GARS1: variants seen among roughly 807,000 people sequenced by gnomAD.
GARS1 encodes the protein glycine--tRNA ligase.
Under a neutral mutation model 86.4 loss-of-function variants are expected in GARS1, and 46 were observed. The observed-to-expected ratio is 0.53, with a 90% CI of 0.42 to 0.68. The LOEUF is 0.68. Among genes scored for constraint, GARS1 ranks in the 30% least tolerant of loss-of-function variants. The probability of loss-of-function intolerance (pLI) is 0.00; values close to 1 mark genes in which losing one functional copy is unlikely to be tolerated. For missense variants in GARS1, 797 were observed against 915.6 expected (o/e 0.87, Z 1.67); for synonymous variants, 342 against 329.8 (o/e 1.04, Z -0.40).
intron 6 of GARS1, among the ~76,000 whole-genome samples, chr7:30,605,970 A>G (rs1341550108): frequency 6.6e-6 from 1 of 152,130 alleles, no homozygotes; most frequent in African/African-American, 2.4e-5. Context: ...TCCAATCTGT[A>G]TGGCCTTCCT....
At position 30,632,037 on chromosome 7, in the gene GARS1, G is replaced by T. The variant is rs961323141; in HGVS notation, c.1904-210G>T. On this transcript the variant is annotated intron_variant, in intron 15 of 16. Coordinates refer to ENST00000389266, the MANE Select transcript of GARS1 (RefSeq NM_002047.4). The surrounding 1 kb of genome is among the most constrained non-coding windows in gnomAD (Gnocchi z 4.1). ...TGGTCCCATATTTGTTCCCCCTATA[G>T]CTGTATCAGATGGAGGTATGAGTGA... The T allele has an allele frequency of 5.5e-5, 32 of 582,690 alleles. No individual in the cohort carries two copies. The African/African-American group carries it at 5.6e-4, about 10-fold the overall frequency. 36.1% of individuals were successfully genotyped at this position (582,690 alleles called of 1,614,324 possible).
At chr7:30,595,582 G>T (rs1791229798) in intron 1 of GARS1, among the ~76,000 whole-genome samples, 1 of 152,218 alleles carries the variant, frequency 6.6e-6, no homozygotes, top group South Asian at 2.1e-4. Context: ...AATTCTTTCA[G>T]TGGTCAATGA....
rs374583193 is a variant in GARS1 at position 30,622,279 on chromosome 7, G to A, written c.1468-38G>A. 8 of 1,612,770 alleles carry A rather than the reference G, an allele frequency of 5.0e-6. No homozygotes were observed. In the African/African-American group the frequency reaches 1.1e-4, roughly 22 times the overall value. On this transcript the variant is annotated intron_variant, in intron 11 of 16. Transcript: ENST00000389266. ...CAGGCTCATTTTCTGAAATACTGAG[G>A]CAGTGCTGTAGTTTTGGATTCCTTG...
intron 9 of GARS1, among the ~76,000 whole-genome samples, 189 bp from the exon 10 acceptor site, chr7:30,616,925 C>T (rs1412414190): frequency 6.6e-6 from 1 of 152,062 alleles, no homozygotes. Flanking sequence ...TTGACATTAA[C>T]CCATTAAAAA....
At chr7:30,611,879 A>G (rs1782765626) in intron 7 of GARS1, among the ~76,000 whole-genome samples, 2 of 152,204 alleles carry the variant, frequency 1.3e-5, no homozygotes, top group Non-Finnish European at 2.9e-5. Flanking sequence ...TTGCCAAAGT[A>G]GTACTGCCAC....
chr7:30,628,399 G>T, intron 13 of GARS1, 161 bp from the exon 14 acceptor site: 1 of 544,418 alleles, frequency 1.8e-6, no homozygotes, highest in South Asian at 1.6e-5. Flanking sequence ...TGGTCAGGCT[G>T]GTCTCGAACT....
At chr7:30,631,918 T>G in intron 15 of GARS1, 1 of 399,034 alleles carries the variant, frequency 2.5e-6, no homozygotes, top group South Asian at 2.3e-5. Context: ...ATCCACTTAT[T>G]TCAGAGCTGG....
chr7:30,596,004 A>G (rs543472101), intron 1 of GARS1: 2 of 414,342 alleles, frequency 4.8e-6, no homozygotes, highest in African/African-American at 4.2e-5. Context: ...GGGCACTGCC[A>G]TAGAGTTTAG....
intron 2 of GARS1, 97 bp from the exon 3 acceptor site, chr7:30,599,850 T>G (rs1562771319): frequency 3.8e-6 from 3 of 785,612 alleles, no homozygotes; most frequent in Non-Finnish European, 6.3e-6. Context: ...ATAAATTTTA[T>G]ATTTAATTCT....
chr7:30,622,355 A>T lies in GARS1; in HGVS notation c.1506A>T (p.Gly502=). Residue 502 remains glycine, a synonymous_variant, in exon 12 of 17, where the codon GGA becomes GGT. Coordinates refer to ENST00000389266, the MANE Select transcript of GARS1 (RefSeq NM_002047.4). ...VNVVQFEPSK[G]AIGKAYKKDA... is the part of the protein sequence containing the mutation. ...TTGTTCAGTTTGAACCCAGTAAGGG[A>T]GCAATTGGTAAGGCATATAAGAAGG... 6.2e-7 allele frequency: 1 copy of T among 1,614,152 alleles called. No individual in the cohort carries two copies. Among genetic ancestry groups the T allele is most frequent in the Non-Finnish European group, 8.5e-7 (1 of 1,180,012 alleles).
Position 30,595,031 on chromosome 7 carries a change from G to A in GARS1, c.110G>A (p.Ser37Asn), listed in dbSNP as rs2128131936. ...RPSLLLRRSL[S>N]AASCPPISLP... The stretch of plus-strand genomic sequence containing the variant: ...TCGCTCCTGCTCCGCCGGTCCCTCA[G>A]CGCGGCCTCCTGCCCCCCGATCTCC... The change falls in exon 1 of 17, where the codon AGC becomes AAC. Residue 37 changes from serine to asparagine, a missense_variant. Around this residue, in one of 2 missense-constraint regions of GARS1, gnomAD observed 199 missense variants for 176.9 expected, o/e 1.12. Transcript: ENST00000389266. The A allele has an allele frequency of 6.4e-7, 1 of 1,574,524 alleles. No homozygotes were observed. The highest frequency in any genetic ancestry group is 8.6e-7 in the Non-Finnish European group (1 of 1,167,612).
At chr7:30,628,341 T>C (rs1033434687) in intron 13 of GARS1, 15 of 410,714 alleles carry the variant, frequency 3.7e-5, no homozygotes, top group African/African-American at 3.1e-4. Flanking sequence ...CCTGCCACCA[T>C]ACCCAGTTAA....
At chr7:30,596,141 A>C (rs1010894889) in intron 1 of GARS1, among the ~76,000 whole-genome samples, 1 of 152,228 alleles carries the variant, frequency 6.6e-6, no homozygotes, top group Non-Finnish European at 1.5e-5. Flanking sequence ...TTTCTCCTGC[A>C]TGGGCGCCTG....
intron 12 of GARS1, among the ~76,000 whole-genome samples, chr7:30,624,303 A>G (rs1783081568): frequency 1.3e-5 from 2 of 152,202 alleles, no homozygotes; most frequent in Admixed American, 1.3e-4. Context: ...TTCAGGCAGA[A>G]GTATGAAAGT....
chr7:30,632,159 G>A lies in GARS1; in HGVS notation c.1904-88G>A, dbSNP rs536818695. 8.5e-5 allele frequency: 106 copies of A among 1,254,024 alleles called. No individual in the cohort carries two copies. The African/African-American group carries it at 1.3e-3, about 15-fold the overall frequency. The allele number at this position is 1,254,024 out of a possible 1,614,324, so 77.7% of individuals were successfully genotyped here. ...TTTCTTGTCTTGGTCCCATTTATAA[G>A]TCTCCTGAGCTTGTAAGACAGTAGT... On this transcript the variant is annotated intron_variant, in intron 15 of 16. Coordinates refer to ENST00000389266, the MANE Select transcript of GARS1 (RefSeq NM_002047.4). The surrounding 1 kb of genome is among the most constrained non-coding windows in gnomAD (Gnocchi z 4.1).
intron 8 of GARS1, 50 bp from the exon 9 acceptor site, chr7:30,615,846 G>GT (rs1325805460): frequency 1.3e-5 from 20 of 1,599,292 alleles, no homozygotes; most frequent in Non-Finnish European, 1.5e-5. Context: ...TTGTTTGTTT[G>GT]TTTTTTGTAG....
rs1783264305 is a variant in GARS1, at chr7:30,632,861, T to G, written c.2094+424T>G. Among the ~76,000 whole-genome samples the G allele has an allele frequency of 1.3e-5, 2 of 152,216 alleles. No homozygotes were observed. The highest frequency in any genetic ancestry group is 4.1e-4 in the South Asian group (2 of 4,830). ...TATATTCAAAACAGTGAATCATGTT[T>G]CAGTAGTTTTGGTCAATAGGAAGGC... On this transcript the variant is annotated intron_variant, in intron 16 of 16. Coordinates refer to ENST00000389266, the MANE Select transcript of GARS1 (RefSeq NM_002047.4). This position sits in a 1 kb window ranked among gnomAD's most constrained non-coding sequence, Gnocchi z 4.1.
In GARS1 at chr7:30,595,032, C is replaced by T. The variant is rs776477848; in HGVS notation, c.111C>T (p.Ser37=). 48 of 1,573,490 alleles carry T rather than the reference C, an allele frequency of 3.1e-5. No homozygotes were observed. Among genetic ancestry groups the T allele is most frequent in the Non-Finnish European group, 2.6e-6 (3 of 1,167,096 alleles). Reference sequence around the variant, plus strand: ...CGCTCCTGCTCCGCCGGTCCCTCAGCGCGGCCTCCTGCCCCCCGATCTCCT... The same window carrying T: ...CGCTCCTGCTCCGCCGGTCCCTCAGTGCGGCCTCCTGCCCCCCGATCTCCT... ...RPSLLLRRSL[S]AASCPPISLP... The change falls in exon 1 of 17, where the codon AGC becomes AGT. Residue 37 remains serine (S), a synonymous_variant. Transcript: ENST00000389266.
chr7:30,620,220 G>T (rs1305970490), intron 10 of GARS1, among the ~76,000 whole-genome samples: 1 of 152,062 alleles, frequency 6.6e-6, no homozygotes, highest in African/African-American at 2.4e-5. Context: ...GAAATAACGG[G>T]TTCTTAAGAG....
Sources: gnomAD v4.1 joint callset for allele counts (sites outside exome capture counted in the v4.1 genomes callset) on GRCh38, gnomAD v4.1.1 for gene constraint, gnomAD v4.1.1 regional missense constraint, Gnocchi (gnomAD v3.1) non-coding constraint, MANE v1.5 for transcripts, NCBI Gene and HGNC (gene_info 2026-07-23, HGNC 2026-07-21) for gene names.